RBM28: variants seen among roughly 807,000 people sequenced by gnomAD.
RBM28 encodes RNA-binding protein 28.
A neutral mutation model predicts 98.3 loss-of-function variants in RBM28; 78 were observed. The observed-to-expected ratio is 0.79, with a 90% CI of 0.66 to 0.96. The LOEUF (loss-of-function observed/expected upper bound fraction) is 0.96, where lower values mean the gene tolerates loss of function less well. RBM28 is among the 40% of genes least tolerant of loss of function. The probability of loss-of-function intolerance (pLI) is 0.00; values close to 1 mark genes in which losing one functional copy is unlikely to be tolerated. For missense variants in RBM28, 838 were observed against 913.0 expected, an observed-to-expected ratio of 0.92 and a Z score of 1.06; for synonymous variants, 306 against 330.9, an observed-to-expected ratio of 0.92 and a Z score of 0.82.
rs566134374 is a variant in RBM28 at position 128,336,201 on chromosome 7, A to G, written c.614-159T>C. Among the ~76,000 whole-genome samples, 3 of 152,370 alleles carry G rather than the reference A, an allele frequency of 2.0e-5. No homozygotes were observed. The South Asian group carries it at 6.2e-4, about 32-fold the overall frequency. ...TAACAGGAGAAAGTATAAAGAAAAG[A>G]AAAAGCAAAAACAGAAATAAACAAA... On this transcript the variant is annotated intron_variant, in intron 6 of 18. Transcript: ENST00000223073.
Position 128,330,930 on chromosome 7 carries a change from T to C in RBM28, c.1020-2A>G. ...TCTTCTGAGTCAAAGGACAGATTTC[T>C]ATGGAAGATAACCAGATGATCACAA... is the stretch of plus-strand genomic sequence containing the variant. On this transcript the variant is annotated splice_acceptor_variant, in intron 9 of 18. Coordinates refer to ENST00000223073, the MANE Select transcript of RBM28 (RefSeq NM_018077.3). LOFTEE classifies it high-confidence loss of function. 6.2e-7 allele frequency: 1 copy of C among 1,600,898 alleles called. No individual in the cohort carries two copies. The highest frequency in any genetic ancestry group is 8.6e-7 in the Non-Finnish European group (1 of 1,168,074).
intron 5 of RBM28, among the ~76,000 whole-genome samples, 195 bp from the exon 6 acceptor site, chr7:128,337,397 C>T (rs982557459): frequency 6.6e-6 from 1 of 152,074 alleles, no homozygotes; most frequent in African/African-American, 2.4e-5. Flanking sequence ...TATCAATGAA[C>T]AGAAATTTTG....
At chr7:128,312,957 C>T (rs1447818129) in intron 18 of RBM28, 7 of 579,200 alleles carry the variant, frequency 1.2e-5, no homozygotes, top group Admixed American at 6.0e-5. Context: ...ATATGTAAAA[C>T]AAGGAGACTG....
Position 128,301,244 on chromosome 7 carries a change from G to A in RBM28, c.*9553C>T, listed in dbSNP as rs1178476251. On this transcript the variant is annotated 3_prime_UTR_variant, in exon 19 of 19. Transcript: ENST00000223073. The stretch of plus-strand genomic sequence containing the variant: ...TCTTTTACAGTGGCTATTTCATTTA[G>A]TACTAGGGGGCTTTTTGCCTGTATT... 2 of 152,234 alleles carry A rather than the reference G, an allele frequency of 1.3e-5. No individual in the cohort carries two copies. Among genetic ancestry groups the A allele is most frequent in the African/African-American group, 2.4e-5 (1 of 41,450 alleles). 9.4% of individuals were successfully genotyped at this position (152,234 alleles called of 1,614,324 possible).
chr7:128,343,432 T>TAA (rs1796771907), intron 1 of RBM28, among the ~76,000 whole-genome samples: 1 of 152,218 alleles, frequency 6.6e-6, no homozygotes, highest in African/African-American at 2.4e-5. Context: ...ATGCTCTAGT[T>TAA]AACTATTTTC....
At chr7:128,330,338 G>A (rs1304340946) in intron 10 of RBM28, among the ~76,000 whole-genome samples, 1 of 146,770 alleles carries the variant, frequency 6.8e-6, no homozygotes, top group African/African-American at 2.5e-5. Context: ...GATGCTGAGT[G>A]TGACACCATT....
At chr7:128,317,883 T>A in intron 15 of RBM28, 74 bp downstream of exon 15, 1 of 1,577,388 alleles carries the variant, frequency 6.3e-7, no homozygotes, top group Non-Finnish European at 8.7e-7. Context: ...CAGAGGACAC[T>A]AGGCATAAAG....
At chr7:128,322,820 G>A (rs762191694) in intron 13 of RBM28, among the ~76,000 whole-genome samples, 4 of 151,892 alleles carry the variant, frequency 2.6e-5, no homozygotes, top group Non-Finnish European at 5.9e-5. Flanking sequence ...CAGAATCTGT[G>A]CCCACTGAAA....
At chr7:128,325,552 A>C (rs1179301819) in intron 11 of RBM28, among the ~76,000 whole-genome samples, 1 of 152,200 alleles carries the variant, frequency 6.6e-6, no homozygotes, top group Non-Finnish European at 1.5e-5. Flanking sequence ...TGACACAGAC[A>C]GCAAGCAACA....
intron 14 of RBM28, among the ~76,000 whole-genome samples, chr7:128,319,397 T>G (rs1796173812): frequency 6.6e-6 from 1 of 152,226 alleles, no homozygotes; most frequent in African/African-American, 2.4e-5. Context: ...ATGTAGGCAC[T>G]AAGTATTCGG....
In RBM28 at chr7:128,310,831, G is replaced by C. The variant is rs537297874; in HGVS notation, c.2246C>G (p.Pro749Arg). The C allele has an allele frequency of 1.2e-6, 2 of 1,614,148 alleles. No individual in the cohort carries two copies. The highest frequency in any genetic ancestry group is 1.3e-5 in the African/African-American group (1 of 75,046). The change falls in exon 19 of 19, where the codon CCT (proline) becomes CGT (arginine). Residue 749 changes from proline to arginine, a missense_variant. By Grantham distance (103) the Pro-to-Arg change is moderately radical. Coordinates refer to ENST00000223073, the MANE Select transcript of RBM28 (RefSeq NM_018077.3). ...QKLLGPSKGA[P>R]LAKRSKWFDS ...AAACCATTTGCTCCTCTTTGCAAGA[G>C]GTGCTCCTTTAGAAGGTCCCAATAA...
rs1164450537 is a variant in RBM28, at chr7:128,304,119, T to C, written c.*6678A>G. The C allele has an allele frequency of 2.6e-5, 4 of 152,160 alleles. No individual in the cohort carries two copies. Among genetic ancestry groups the C allele is most frequent in the Non-Finnish European group, 4.4e-5 (3 of 68,032 alleles). The allele number at this position is 152,160 out of a possible 1,614,324, so 9.4% of individuals were successfully genotyped here. On this transcript the variant is annotated 3_prime_UTR_variant, in exon 19 of 19. Transcript: ENST00000223073. ...ACTGGCTCTCTGGGATAAAAATGTATATATGTACAGAAATTTATTATAAAT... is the reference window on the plus strand; with the variant it reads ...ACTGGCTCTCTGGGATAAAAATGTACATATGTACAGAAATTTATTATAAAT...
At chr7:128,312,727 A>G (rs370482856) in intron 18 of RBM28, among the ~76,000 whole-genome samples, 4 of 152,316 alleles carry the variant, frequency 2.6e-5, no homozygotes, top group East Asian at 3.9e-4. Context: ...GCAAATTTTA[A>G]TATGGATTTA....
chr7:128,319,040 A>G lies in RBM28; in HGVS notation c.1564-934T>C, dbSNP rs140475634. ...TCCCTTAAATCCTTAAGCCAGATGT[A>G]GTAAACATCTGGGGCACCAAAGTAT... On this transcript the variant is annotated intron_variant, in intron 14 of 18. Coordinates refer to ENST00000223073, the MANE Select transcript of RBM28 (RefSeq NM_018077.3). Among the ~76,000 whole-genome samples, 483 of 152,378 alleles carry G rather than the reference A, an allele frequency of 3.2e-3. 3 individuals carry two copies. Among genetic ancestry groups the G allele is most frequent in the African/African-American group, 0.011 (460 of 41,596 alleles).
At chr7:128,318,787 C>A (rs1365387797) in intron 14 of RBM28, among the ~76,000 whole-genome samples, 1 of 152,100 alleles carries the variant, frequency 6.6e-6, no homozygotes, top group Non-Finnish European at 1.5e-5. Context: ...GTATTTTAAG[C>A]GTGTAACAAG....
intron 1 of RBM28, chr7:128,341,060 T>C (rs1393786222): frequency 8.6e-6 from 9 of 1,045,534 alleles, no homozygotes; most frequent in Middle Eastern, 4.9e-4. Flanking sequence ...TATAGTAAAA[T>C]TTTAAATAAT....
Position 128,339,696 on chromosome 7 carries a change from T to C in RBM28, c.214A>G (p.Lys72Glu), listed in dbSNP as rs923674577. Residue 72 changes from lysine (K) to glutamate (E), a missense_variant, in exon 2 of 19, where the codon AAG becomes GAG. By Grantham distance (56) the Lys-to-Glu change is moderately conservative (BLOSUM62 1). Coordinates refer to ENST00000223073, the MANE Select transcript of RBM28 (RefSeq NM_018077.3). The part of the protein sequence containing the change: ...LKEITTFEGC[K>E]INVTVAKKKL... The stretch of plus-strand genomic sequence containing the variant: ...TTCTTGGCAACAGTCACGTTGATCT[T>C]GCAACCTTCAAAGGTGGTAATCTCC... 1 of 1,614,124 alleles carries C rather than the reference T, an allele frequency of 6.2e-7. No individual in the cohort carries two copies. Among genetic ancestry groups the C allele is most frequent in the Non-Finnish European group, 8.5e-7 (1 of 1,179,974 alleles).
At chr7:128,326,369 G>A (rs1426206664) in intron 10 of RBM28, among the ~76,000 whole-genome samples, 3 of 151,364 alleles carry the variant, frequency 2.0e-5, no homozygotes, top group African/African-American at 7.3e-5. Flanking sequence ...GTGACAGACT[G>A]CATATACAAC....
In RBM28 at chr7:128,305,459, A is replaced by G. The variant is rs1036582389; in HGVS notation, c.*5338T>C. On this transcript the variant is annotated 3_prime_UTR_variant, in exon 19 of 19. Coordinates refer to ENST00000223073, the MANE Select transcript of RBM28 (RefSeq NM_018077.3). Reference sequence around the variant, plus strand: ...AGAACTAGGGAGACAGGTCGAGAGTAAGGAGATGAAGGGACATTTGAGACT... The same window carrying G: ...AGAACTAGGGAGACAGGTCGAGAGTGAGGAGATGAAGGGACATTTGAGACT... 4 of 152,192 alleles carry G rather than the reference A, an allele frequency of 2.6e-5. No homozygotes were observed. Among genetic ancestry groups the G allele is most frequent in the African/African-American group, 9.7e-5 (4 of 41,424 alleles). The allele number at this position is 152,192 out of a possible 1,614,324, so 9.4% of individuals were successfully genotyped here. A position where few individuals can be genotyped will look rare whatever the true frequency, so the allele number is the denominator to read the frequency against.
Sources: gnomAD v4.1 joint callset for allele counts (sites outside exome capture counted in the v4.1 genomes callset) on GRCh38, gnomAD v4.1.1 for gene constraint, MANE v1.5 for transcripts, NCBI Gene and HGNC (gene_info 2026-07-23, HGNC 2026-07-21) for gene names.